The following ACSS3 variants were observed in gnomAD, a reference collection of about 807,000 sequenced individuals.
ACSS3 encodes the protein acyl-CoA synthetase short-chain family member 3, mitochondrial.
In ACSS3, 64 loss-of-function variants were observed where a neutral mutation model predicts 84.2. The observed-to-expected ratio is 0.76, with a 90% CI of 0.62 to 0.94. The LOEUF (loss-of-function observed/expected upper bound fraction) is 0.94. ACSS3 is among the 40% of genes least tolerant of loss of function. ACSS3 has a pLI of 0.00. For synonymous variants in ACSS3, 317 were observed against 310.1 expected, an observed-to-expected ratio of 1.02 and a Z score of -0.23; for missense variants, 815 against 867.6, an observed-to-expected ratio of 0.94 and a Z score of 0.76.
At chr12:81,171,474 CAT>C (rs771288455) in intron 7 of ACSS3, among the ~76,000 whole-genome samples, 10 of 152,018 alleles carry the variant, frequency 6.6e-5, no homozygotes, top group Non-Finnish European at 1.3e-4. Context: ...TTATTCATAA[CAT>C]TGAATTATCT....
rs559969545 is a variant in ACSS3, at chr12:81,237,260, A to C, written c.1719+3789A>C. 2.0e-5 allele frequency among the ~76,000 whole-genome samples: 3 copies of C among 151,588 alleles called. No individual in the cohort carries two copies. In the South Asian group the frequency reaches 6.2e-4, roughly 31 times the overall value. On this transcript the variant is annotated intron_variant, in intron 13 of 15. Transcript: ENST00000548058. The stretch of plus-strand genomic sequence containing the variant: ...TAGGGATCTAGTCTGGACTATACAC[A>C]TTTGGCCTTGACAGATAAATTAAAG...
In ACSS3 at chr12:81,109,692, A is replaced by T; in HGVS notation, c.444A>T (p.Glu148Asp). The T allele has an allele frequency of 6.3e-7, 1 of 1,598,378 alleles. No homozygotes were observed. The highest frequency in any genetic ancestry group is 8.5e-7 in the Non-Finnish European group (1 of 1,174,562). Residue 148 changes from glutamate (E) to aspartate (D), a missense_variant, in exon 2 of 16, where the codon GAA (glutamate) becomes GAT (aspartate). Glu to Asp is a conservative substitution (Grantham distance 45). Transcript: ENST00000548058. ...CTAAAGCAACCTTTACCTATAAAGA[A>T]GTTCTGGAGCAGGTAATATCATAAA... ...TNTKATFTYK[E>D]VLEQVSKLAG...
At chr12:81,183,125 A>C (rs2031045061) in intron 8 of ACSS3, among the ~76,000 whole-genome samples, 1 of 152,202 alleles carries the variant, frequency 6.6e-6, no homozygotes, top group Non-Finnish European at 1.5e-5. Context: ...GGAAAAGTGG[A>C]AATTATTTTG....
intron 1 of ACSS3, among the ~76,000 whole-genome samples, chr12:81,091,101 G>A (rs966266370): frequency 2.6e-5 from 4 of 151,902 alleles, no homozygotes; most frequent in African/African-American, 4.8e-5. Context: ...ATTCACGGTT[G>A]GTTGAATCTG....
intron 7 of ACSS3, chr12:81,158,446 A>G (rs985212635): frequency 2.6e-5 from 4 of 153,226 alleles, no homozygotes; most frequent in African/African-American, 9.7e-5. Flanking sequence ...TTACTCTGCA[A>G]TCTTCTCCAA....
intron 7 of ACSS3, among the ~76,000 whole-genome samples, chr12:81,155,760 T>C (rs1386730541): frequency 6.6e-6 from 1 of 152,230 alleles, no homozygotes; most frequent in African/African-American, 2.4e-5. Context: ...ATTCTATGTT[T>C]TGGCTTCTGA....
intron 2 of ACSS3, among the ~76,000 whole-genome samples, chr12:81,114,095 A>T (rs931064932): frequency 2.0e-5 from 3 of 151,994 alleles, no homozygotes; most frequent in African/African-American, 7.2e-5. Context: ...ACAATTATGA[A>T]TTTTTATGTA....
At chr12:81,136,928 G>A (rs141084338) in intron 3 of ACSS3, among the ~76,000 whole-genome samples, 2 of 152,136 alleles carry the variant, frequency 1.3e-5, no homozygotes, top group East Asian at 3.9e-4. Flanking sequence ...GAAGGAAGGT[G>A]CTTATCAGAG....
chr12:81,242,388 T>A (rs1033592457), intron 13 of ACSS3, among the ~76,000 whole-genome samples: 6 of 150,166 alleles, frequency 4.0e-5, no homozygotes, highest in African/African-American at 1.2e-4. Flanking sequence ...CCAAAAAGAG[T>A]CCAGGACCAG....
In ACSS3 at chr12:81,078,196, C is replaced by G; in HGVS notation, c.76C>G (p.Pro26Ala). Residue 26 changes from proline (P) to alanine (A), a missense_variant, in exon 1 of 16, where the codon CCG (proline) becomes GCG (alanine). Pro to Ala is a conservative substitution (Grantham distance 27). Coordinates refer to ENST00000548058, the MANE Select transcript of ACSS3 (RefSeq NM_024560.4). ...GLGGPLPGSS[P>A]ARGAGAALRA... ...CGGAGGGCCCTTGCCTGGGTCCTCT[C>G]CGGCCCGGGGAGCCGGTGCGGCCCT... 1 of 1,557,588 alleles carries G rather than the reference C, an allele frequency of 6.4e-7. No homozygotes were observed. Among genetic ancestry groups the G allele is most frequent in the Non-Finnish European group, 8.7e-7 (1 of 1,155,426 alleles).
chr12:81,254,978 T>C lies in ACSS3; in HGVS notation c.*56T>C. On this transcript the variant is annotated 3_prime_UTR_variant, in exon 16 of 16. Coordinates refer to ENST00000548058, the MANE Select transcript of ACSS3 (RefSeq NM_024560.4). ...TTTAATTTCTTAATTGAAATTAAAT[T>C]ATTTGAGTTGTTTCTCAGAAATAAA... 7.3e-7 allele frequency: 1 copy of C among 1,363,992 alleles called. No homozygotes were observed. Among genetic ancestry groups the C allele is most frequent in the Non-Finnish European group, 1.0e-6 (1 of 994,398 alleles). 84.5% of individuals were successfully genotyped at this position (1,363,992 alleles called of 1,614,324 possible).
At chr12:81,125,710 C>CTG (rs1329379117) in intron 2 of ACSS3, 1 of 152,128 alleles carries the variant, frequency 6.6e-6, no homozygotes, top group Non-Finnish European at 1.5e-5. Context: ...ATTCTCAGTT[C>CTG]TGTGTCATCA....
intron 1 of ACSS3, among the ~76,000 whole-genome samples, chr12:81,094,115 T>A (rs1205362909): frequency 6.6e-6 from 1 of 151,740 alleles, no homozygotes; most frequent in Non-Finnish European, 1.5e-5. Flanking sequence ...GCAGATAGAC[T>A]TGCATCTTTG....
At chr12:81,172,506 T>C (rs2030150221) in intron 7 of ACSS3, among the ~76,000 whole-genome samples, 1 of 150,548 alleles carries the variant, frequency 6.6e-6, no homozygotes, top group South Asian at 2.1e-4. Context: ...CTTTCTGGCG[T>C]GCACCTGTAG....
chr12:81,188,378 A>G (rs1402152084), intron 8 of ACSS3, among the ~76,000 whole-genome samples: 3 of 152,090 alleles, frequency 2.0e-5, no homozygotes, highest in Non-Finnish European at 4.4e-5. Flanking sequence ...ATTGAGGTAT[A>G]TATACAGAAA....
chr12:81,078,227 C>G lies in ACSS3; in HGVS notation c.107C>G (p.Ala36Gly). The G allele has an allele frequency of 6.3e-7, 1 of 1,598,410 alleles. No homozygotes were observed. Among genetic ancestry groups the G allele is most frequent in the Non-Finnish European group, 8.5e-7 (1 of 1,174,856 alleles). ...CGGGGAGCCGGTGCGGCCCTCAGGG[C>G]TTTAGTGGTCCCGGGCCCGCGGGGC... is the stretch of plus-strand genomic sequence containing the variant. The part of the protein sequence containing the change: ...PARGAGAALR[A>G]LVVPGPRGGL... The change falls in exon 1 of 16, where the codon GCT becomes GGT. Residue 36 changes from alanine (A) to glycine (G), a missense_variant. Transcript: ENST00000548058.
chr12:81,192,727 C>A (rs545067942), intron 8 of ACSS3, among the ~76,000 whole-genome samples: 265 of 152,290 alleles, frequency 1.7e-3, no homozygotes, highest in Admixed American at 4.8e-3. Flanking sequence ...TTAGTTTCAA[C>A]GCCTGTCAGT....
Position 81,256,367 on chromosome 12 carries a change from T to A in ACSS3, c.*1445T>A, listed in dbSNP as rs78456733. 7.9e-5 allele frequency: 12 copies of A among 152,196 alleles called. No individual in the cohort carries two copies. Among genetic ancestry groups the A allele is most frequent in the Non-Finnish European group, 1.6e-4 (11 of 68,022 alleles). 9.4% of individuals were successfully genotyped at this position (152,196 alleles called of 1,614,324 possible). ...CTAAAAATCTCTTAAATGTTTTTTT[T>A]AAATAATTGTAAAGTGAGTTTTTGT... On this transcript the variant is annotated 3_prime_UTR_variant, in exon 16 of 16. Coordinates refer to ENST00000548058, the MANE Select transcript of ACSS3 (RefSeq NM_024560.4).
intron 8 of ACSS3, among the ~76,000 whole-genome samples, chr12:81,193,226 C>T (rs146182701): frequency 3.9e-5 from 6 of 152,066 alleles, no homozygotes; most frequent in Admixed American, 6.6e-5. Context: ...CAGAAGTCGA[C>T]GAGGCATCAC....
Sources: gnomAD v4.1 joint callset for allele counts (sites outside exome capture counted in the v4.1 genomes callset) on GRCh38, gnomAD v4.1.1 for gene constraint, MANE v1.5 for transcripts, NCBI Gene and HGNC (gene_info 2026-07-23, HGNC 2026-07-21) for gene names.